CSMD1: variants seen among roughly 807,000 people sequenced by gnomAD.
The protein encoded by CSMD1 is CUB and sushi domain-containing protein 1.
In CSMD1, 213 loss-of-function variants were observed where a neutral mutation model predicts 417.5. The ratio of observed to expected loss-of-function variants is 0.51; its 90% CI spans 0.46 to 0.57. The LOEUF (loss-of-function observed/expected upper bound fraction) is 0.57, where lower values mean the gene tolerates loss of function less well. CSMD1 is among the 20% of genes least tolerant of loss of function. The pLI is 0.00. For missense variants in CSMD1, 6,923 were observed against 4,529.7 expected (o/e 1.53, Z -15.17); for synonymous variants, 2,862 against 1,736.8 (o/e 1.65, Z -16.11).
intron 3 of CSMD1, among the ~76,000 whole-genome samples, chr8:4,144,796 A>C (rs1804011187): frequency 1.3e-5 from 2 of 151,084 alleles, no homozygotes; most frequent in Admixed American, 6.6e-5. Flanking sequence ...GTTGTCAGTA[A>C]GAGTTGCATC....
intron 12 of CSMD1, among the ~76,000 whole-genome samples, chr8:3,439,310 T>TATATATATATA (rs1491240170): frequency 1.4e-3 from 28 of 20,092 alleles, no homozygotes; most frequent in African/African-American, 6.3e-3. Flanking sequence ...TATATATATA[T>TATATATATATA]TTTTTTTTTT....
chr8:4,753,616 G>A lies in CSMD1; in HGVS notation c.86-116058C>T, dbSNP rs577018844. Among the ~76,000 whole-genome samples the A allele has an allele frequency of 2.4e-4, 37 of 152,228 alleles. No homozygotes were observed. In the South Asian group the frequency reaches 6.9e-3, roughly 28 times the overall value. ...GAACCTGACATCCTCACAGTATCAG[G>A]CGTCTCACTGTTCCGCAGCAGGACA... On this transcript the variant is annotated intron_variant, in intron 1 of 69. Coordinates refer to ENST00000635120, the MANE Select transcript of CSMD1 (RefSeq NM_033225.6).
intron 46 of CSMD1, among the ~76,000 whole-genome samples, chr8:3,101,672 C>A (rs936033405): frequency 6.6e-6 from 1 of 152,098 alleles, no homozygotes; most frequent in Non-Finnish European, 1.5e-5. Flanking sequence ...TGATCCGCTC[C>A]CCTCAGCCTC....
chr8:4,461,687 G>A (rs1022305006), intron 2 of CSMD1, among the ~76,000 whole-genome samples: 8 of 150,488 alleles, frequency 5.3e-5, no homozygotes, highest in African/African-American at 2.0e-4. Context: ...TATAGCTGGG[G>A]CCATGGGCAA....
intron 5 of CSMD1, among the ~76,000 whole-genome samples, chr8:3,909,635 G>A (rs1808328092): frequency 6.6e-6 from 1 of 152,120 alleles, no homozygotes; most frequent in Non-Finnish European, 1.5e-5. Context: ...TGTTTGTGCT[G>A]CAGGAATGGG....
chr8:4,229,737 G>A (rs868185163), intron 3 of CSMD1, among the ~76,000 whole-genome samples: 38 of 151,996 alleles, frequency 2.5e-4, no homozygotes, highest in African/African-American at 7.7e-4. Context: ...ATCCTCTGCC[G>A]TCCTGCTTCT....
At chr8:4,039,312 G>T (rs537628232) in intron 3 of CSMD1, among the ~76,000 whole-genome samples, 1 of 152,042 alleles carries the variant, frequency 6.6e-6, no homozygotes, top group African/African-American at 2.4e-5. Context: ...GTAAACCAAC[G>T]ATATCAAATG....
chr8:4,383,023 G>A (rs922323371), intron 3 of CSMD1, among the ~76,000 whole-genome samples: 1 of 152,196 alleles, frequency 6.6e-6, no homozygotes, highest in South Asian at 2.1e-4. Flanking sequence ...GTAAGAATTG[G>A]TGGAATATTC....
chr8:4,496,908 T>C, intron 2 of CSMD1, among the ~76,000 whole-genome samples: 1 of 152,120 alleles, frequency 6.6e-6, no homozygotes, highest in East Asian at 1.9e-4. Context: ...AATGCTTGTT[T>C]TGTGAATCAA....
chr8:3,334,070 G>A (rs1295312227), intron 23 of CSMD1, among the ~76,000 whole-genome samples: 1 of 152,174 alleles, frequency 6.6e-6, no homozygotes, highest in Non-Finnish European at 1.5e-5. Context: ...GGAGGTGAAG[G>A]CATTGAAAGA....
chr8:4,317,594 AGGAGAGAGGGG>A (rs1799007974), intron 3 of CSMD1, among the ~76,000 whole-genome samples: 2 of 118,650 alleles, frequency 1.7e-5, no homozygotes, highest in Non-Finnish European at 3.7e-5. Context: ...AGAGAGAGAG[AGGAGAGAGGGG>A]AGAGAGAGAG....
At chr8:4,431,766 C>A (rs1484776663) in intron 2 of CSMD1, among the ~76,000 whole-genome samples, 3 of 151,978 alleles carry the variant, frequency 2.0e-5, no homozygotes, top group Non-Finnish European at 2.9e-5. Context: ...ACTTCAGTAA[C>A]CTGGCATGTA....
At chr8:4,827,444 T>C (rs1799899365) in intron 1 of CSMD1, among the ~76,000 whole-genome samples, 1 of 152,178 alleles carries the variant, frequency 6.6e-6, no homozygotes, top group Non-Finnish European at 1.5e-5. Context: ...CTCTCTTCTT[T>C]GCAGAAACCT....
At position 4,422,844 on chromosome 8, in the gene CSMD1, T is replaced by C. The variant is rs924385120; in HGVS notation, c.303-2779A>G. Among the ~76,000 whole-genome samples the C allele has an allele frequency of 3.3e-5, 5 of 152,178 alleles. No homozygotes were observed. The East Asian group carries it at 9.7e-4, about 29-fold the overall frequency. On this transcript the variant is annotated intron_variant, in intron 2 of 69. Transcript: ENST00000635120. The stretch of plus-strand genomic sequence containing the variant: ...ATTATACACGATGATCAAATGGTGT[T>C]TATTAGAGGAATGTTAGAAAGGTCC...
chr8:4,705,248 T>C (rs1807850742), intron 1 of CSMD1, among the ~76,000 whole-genome samples: 1 of 152,156 alleles, frequency 6.6e-6, no homozygotes, highest in South Asian at 2.1e-4. Flanking sequence ...TTTCCCAGTC[T>C]CTGGTATTTT....
chr8:4,826,713 C>A (rs144315555), intron 1 of CSMD1, among the ~76,000 whole-genome samples: 1 of 152,130 alleles, frequency 6.6e-6, no homozygotes, highest in Non-Finnish European at 1.5e-5. Context: ...CTCTGCCTTT[C>A]GTGACCCTCA....
chr8:3,888,992 A>G (rs567168276), intron 5 of CSMD1, among the ~76,000 whole-genome samples: 1 of 152,284 alleles, frequency 6.6e-6, no homozygotes, highest in East Asian at 1.9e-4. Flanking sequence ...TTTATGACCA[A>G]AAGTACTTAC....
intron 46 of CSMD1, among the ~76,000 whole-genome samples, chr8:3,104,959 G>A (rs549908606): frequency 7.9e-5 from 12 of 152,242 alleles, no homozygotes; most frequent in African/African-American, 2.9e-4. Flanking sequence ...ACCCACCTCG[G>A]CCTCACAGAA....
chr8:3,566,392 C>G (rs777676127), intron 10 of CSMD1, among the ~76,000 whole-genome samples: 7 of 152,008 alleles, frequency 4.6e-5, no homozygotes, highest in Admixed American at 1.3e-4. Context: ...GAAATACGAA[C>G]GGACCCAGGA....
Sources: gnomAD v4.1 joint callset for allele counts (sites outside exome capture counted in the v4.1 genomes callset) on GRCh38, gnomAD v4.1.1 for gene constraint, MANE v1.5 for transcripts, NCBI Gene and HGNC (gene_info 2026-07-23, HGNC 2026-07-21) for gene names.